Variants in ARHGAP36 observed in about 807,000 individuals in gnomAD.
The protein encoded by ARHGAP36 is rho GTPase-activating protein 36.
A neutral mutation model predicts 32.9 loss-of-function variants in ARHGAP36; 7 were observed. The observed-to-expected ratio is 0.21, with a 90% confidence interval of 0.12 to 0.40. ARHGAP36 has a LOEUF of 0.40. Ranked by LOEUF, ARHGAP36 falls within the 10% of genes least tolerant of loss-of-function variation. The probability of loss-of-function intolerance (pLI) is 1.00; values close to 1 mark genes in which losing one functional copy is unlikely to be tolerated. For synonymous variants in ARHGAP36, 165 were observed against 168.3 expected, an observed-to-expected ratio of 0.98 and a Z score of 0.15; for missense variants, 383 against 442.2, an observed-to-expected ratio of 0.87 and a Z score of 1.20.
intron 4 of ARHGAP36, 114 bp downstream of exon 4, chrX:131,084,083 T>C (rs762702934): frequency 9.6e-7 from 1 of 1,039,268 alleles, no homozygotes; most frequent in Non-Finnish European, 1.3e-6. Context: ...GAACACAATA[T>C]GTTGAAGTGG....
intron 1 of ARHGAP36, 102 bp from the exon 2 acceptor site, chrX:131,081,421 AT>A: frequency 3.7e-6 from 2 of 540,176 alleles, no homozygotes; most frequent in Non-Finnish European, 4.9e-6. Context: ...TTTTCTTCTT[AT>A]TTTCTCTCTT....
intron 1 of ARHGAP36, among the ~76,000 whole-genome samples, chrX:131,072,705 G>C (rs190503579): frequency 8.9e-6 from 1 of 111,898 alleles, no homozygotes; most frequent in Admixed American, 9.4e-5. Flanking sequence ...GCTGAATCTT[G>C]AAGGAGAGCT....
intron 1 of ARHGAP36, among the ~76,000 whole-genome samples, chrX:131,061,397 GAGGGCCCAGA>G (rs1411563729): frequency 9.0e-6 from 1 of 110,655 alleles, no homozygotes; most frequent in Admixed American, 9.6e-5. Flanking sequence ...TGGGAGGAAT[GAGGGCCCAGA>G]AAGGCCTTCT....
Position 131,084,573 on chromosome X carries a change from G to A in ARHGAP36, c.749-53G>A, listed in dbSNP as rs2079824149. ...TAGGGGGTGAGGGGAGAAGAGAAAT[G>A]CCATGGGAAAGGGATTCAGAGATGC... On this transcript the variant is annotated intron_variant, in intron 5 of 11. Transcript: ENST00000276211. The A allele has an allele frequency of 5.0e-6, 6 of 1,194,618 alleles. No homozygotes were observed. In the South Asian group the frequency reaches 7.2e-5, roughly 14 times the overall value.
chrX:131,085,994 A>C lies in ARHGAP36; in HGVS notation c.1186A>C (p.Arg396=). 8.3e-7 allele frequency: 1 copy of C among 1,211,610 alleles called. No individual in the cohort carries two copies. The highest frequency in any genetic ancestry group is 1.1e-6 in the Non-Finnish European group (1 of 895,377). Reference sequence around the variant, plus strand: ...CCTGAAAAAAGGAAAGTTTGGCAAGAGAGAGTCCAGGAAAACAAAGCTGGG... The same window carrying C: ...CCTGAAAAAAGGAAAGTTTGGCAAGCGAGAGTCCAGGAAAACAAAGCTGGG... ...ALLKKGKFGK[R]ESRKTKLGID... is the part of the protein sequence containing the mutation. The change falls in exon 9 of 12, where the codon AGA becomes CGA. Residue 396 remains arginine (R), a synonymous_variant. Transcript: ENST00000276211.
intron 1 of ARHGAP36, among the ~76,000 whole-genome samples, chrX:131,078,115 G>C (rs1339001622): frequency 9.1e-6 from 1 of 109,980 alleles, no homozygotes; most frequent in East Asian, 2.8e-4. Flanking sequence ...GATTTTTTTT[G>C]TAAACTCCAG....
chrX:131,081,593 C>G lies in ARHGAP36; in HGVS notation c.-73C>G. 8.7e-7 allele frequency: 1 copy of G among 1,143,251 alleles called. No individual in the cohort carries two copies. Among genetic ancestry groups the G allele is most frequent in the South Asian group, 2.2e-5 (1 of 45,069 alleles). 94.2% of individuals were successfully genotyped at this position (1,143,251 alleles called of 1,213,427 possible). A position where few individuals can be genotyped will look rare whatever the true frequency, so the allele number is the denominator to read the frequency against. On this transcript the variant is annotated 5_prime_UTR_variant, in exon 2 of 12. Coordinates refer to ENST00000276211, the MANE Select transcript of ARHGAP36 (RefSeq NM_144967.4). ...CCAGTTTTCCCTCCCCCTCTACCCC[C>G]ACCCCCATAGTTCTCTCCACCAGGT... is the stretch of plus-strand genomic sequence containing the variant.
intron 3 of ARHGAP36, 32 bp downstream of exon 3, chrX:131,083,262 G>C: frequency 8.5e-7 from 1 of 1,173,319 alleles, no homozygotes. Context: ...CTTTAGAAAA[G>C]AAATAGAATG....
At chrX:131,085,373 C>A (rs1301040630) in intron 7 of ARHGAP36, among the ~76,000 whole-genome samples, 11 of 101,674 alleles carry the variant, frequency 1.1e-4, no homozygotes, top group Admixed American at 6.3e-4. Context: ...AAAAAAAAAA[C>A]CACCCAGGTT....
At chrX:131,082,401 G>C (rs1167205336) in intron 2 of ARHGAP36, among the ~76,000 whole-genome samples, 2 of 112,740 alleles carry the variant, frequency 1.8e-5, no homozygotes, top group African/African-American at 6.4e-5. Context: ...CGGGCGCGGG[G>C]GCGGCGGCAG....
chrX:131,086,249 G>A, intron 9 of ARHGAP36, 80 bp from the exon 10 acceptor site: 1 of 1,119,243 alleles, frequency 8.9e-7, no homozygotes, highest in South Asian at 1.9e-5. Flanking sequence ...GGTACCTTTA[G>A]TCCTAGGTAC....
At chrX:131,082,572 G>A (rs1436420835) in intron 2 of ARHGAP36, among the ~76,000 whole-genome samples, 1 of 113,283 alleles carries the variant, frequency 8.8e-6, no homozygotes, top group East Asian at 2.8e-4. Context: ...CGCCCCAGAG[G>A]TATTGGAAAG....
intron 1 of ARHGAP36, among the ~76,000 whole-genome samples, chrX:131,071,778 C>T (rs2079734021): frequency 9.0e-6 from 1 of 111,515 alleles, no homozygotes; most frequent in Non-Finnish European, 1.9e-5. Context: ...CTGGGCTCAC[C>T]CATAGTCTCT....
chrX:131,076,392 C>T (rs1446161126), intron 1 of ARHGAP36, among the ~76,000 whole-genome samples: 5 of 112,244 alleles, frequency 4.5e-5, no homozygotes, highest in Non-Finnish European at 7.5e-5. Context: ...CTTGATGTCA[C>T]ATTGCCTTGT....
intron 1 of ARHGAP36, among the ~76,000 whole-genome samples, chrX:131,074,031 T>C (rs1025914922): frequency 2.7e-5 from 3 of 109,891 alleles, no homozygotes; most frequent in African/African-American, 6.7e-5. Context: ...TGGATGCTTG[T>C]TGGGGAAGAT....
intron 11 of ARHGAP36, 23 bp from the exon 12 acceptor site, chrX:131,088,605 T>A (rs1363589463): frequency 8.3e-7 from 1 of 1,201,386 alleles, no homozygotes; most frequent in African/African-American, 1.8e-5. Context: ...ACATAAGGAG[T>A]TAACATTGTT....
At chrX:131,075,248 T>C (rs2079755255) in intron 1 of ARHGAP36, among the ~76,000 whole-genome samples, 1 of 112,046 alleles carries the variant, frequency 8.9e-6, no homozygotes, top group African/African-American at 3.2e-5. Flanking sequence ...CCACACTTAA[T>C]AGGTACCATG....
rs746622736 is a variant in ARHGAP36, at chrX:131,084,273, C to T, written c.614C>T (p.Thr205Ile). 1 of 1,211,346 alleles carries T rather than the reference C, an allele frequency of 8.3e-7. No homozygotes were observed. The highest frequency in any genetic ancestry group is 3.0e-5 in the East Asian group (1 of 33,841). The change falls in exon 5 of 12, where the codon ACC becomes ATC. Residue 205 changes from threonine to isoleucine, a missense_variant. By Grantham distance (89) the Thr-to-Ile change is moderately conservative (BLOSUM62 -1). This residue lies in a region of ARHGAP36 where 227 missense variants were observed against 311.3 expected (regional missense o/e 0.73). Coordinates refer to ENST00000276211, the MANE Select transcript of ARHGAP36 (RefSeq NM_144967.4). ...ELEDGALLLQ[T>I]LQLSKISFPI... ...GAAGACGGAGCCCTGCTGCTGCAGA[C>T]CCTGCAGCTTTCAAAAATTTCCTTT...
At chrX:131,060,012 C>T (rs1323652137) in intron 1 of ARHGAP36, among the ~76,000 whole-genome samples, 1 of 111,599 alleles carries the variant, frequency 9.0e-6, no homozygotes, top group Non-Finnish European at 1.9e-5. Context: ...GAACCCAAAT[C>T]TATGTCCTGG....
Sources: allele counts gnomAD v4.1 joint callset (sites outside exome capture counted in the v4.1 genomes callset), GRCh38; gene constraint gnomAD v4.1.1; regional missense constraint gnomAD v4.1.1; transcripts MANE v1.5; gene names NCBI Gene and HGNC (gene_info 2026-07-23, HGNC 2026-07-21).